Variants in MAOB observed in about 807,000 individuals in gnomAD.
MAOB encodes the protein amine oxidase [flavin-containing] B.
In MAOB, 15 loss-of-function variants were observed where a neutral mutation model predicts 41.9. That is an observed-to-expected ratio of 0.36 (90% confidence interval 0.24 to 0.55). MAOB has a LOEUF of 0.55. Among genes scored for constraint, MAOB ranks in the 20% least tolerant of loss-of-function variants. The pLI is 0.86. For missense variants in MAOB, 345 were observed against 398.7 expected, an observed-to-expected ratio of 0.87 and a Z score of 1.15; for synonymous variants, 167 against 144.2, an observed-to-expected ratio of 1.16 and a Z score of -1.13.
At chrX:43,785,438 C>T (rs1169444230) in intron 8 of MAOB, among the ~76,000 whole-genome samples, 1 of 112,653 alleles carries the variant, frequency 8.9e-6, no homozygotes, top group Non-Finnish European at 1.9e-5. Context: ...ATCTTCTATT[C>T]AGATCATTCA....
At chrX:43,802,006 A>G (rs2034600400) in intron 5 of MAOB, among the ~76,000 whole-genome samples, 166 bp downstream of exon 5, 1 of 113,078 alleles carries the variant, frequency 8.8e-6, no homozygotes, top group African/African-American at 3.2e-5. Context: ...GTATGTACAG[A>G]TATCTTCAGG....
intron 1 of MAOB, among the ~76,000 whole-genome samples, chrX:43,872,138 G>A (rs936630609): frequency 4.5e-5 from 5 of 111,760 alleles, no homozygotes; most frequent in African/African-American, 1.3e-4. Flanking sequence ...TGGAAGCACA[G>A]GCTAGATGGT....
chrX:43,828,423 C>A (rs2034974577), intron 3 of MAOB, among the ~76,000 whole-genome samples: 1 of 109,994 alleles, frequency 9.1e-6, no homozygotes, highest in Admixed American at 9.7e-5. Flanking sequence ...CAATGTCTCT[C>A]AATAGTCCTT....
At chrX:43,791,428 G>A (rs1601976063) in intron 8 of MAOB, among the ~76,000 whole-genome samples, 1 of 111,696 alleles carries the variant, frequency 9.0e-6, no homozygotes, top group Admixed American at 9.5e-5. Flanking sequence ...AGATTCTAGC[G>A]TTGTGCTGTC....
intron 12 of MAOB, among the ~76,000 whole-genome samples, chrX:43,774,807 T>A (rs1460152079): frequency 9.0e-6 from 1 of 111,671 alleles, no homozygotes; most frequent in Non-Finnish European, 1.9e-5. Context: ...GATTTTTAAT[T>A]TTTATGGGTA....
At chrX:43,797,078 C>T (rs1393850641) in intron 6 of MAOB, 47 bp downstream of exon 6, 2 of 1,147,264 alleles carry the variant, frequency 1.7e-6, no homozygotes, top group Admixed American at 4.7e-5. Context: ...TCTTTCATTT[C>T]AGTAGCAGTG....
intron 6 of MAOB, among the ~76,000 whole-genome samples, chrX:43,796,706 C>T (rs146988610): frequency 1.4e-4 from 16 of 111,257 alleles, no homozygotes; most frequent in East Asian, 2.8e-4. Context: ...TATACAGTGC[C>T]GGGGCTCAAG....
At chrX:43,851,386 A>G (rs2147171019) in intron 1 of MAOB, among the ~76,000 whole-genome samples, 1 of 111,132 alleles carries the variant, frequency 9.0e-6, no homozygotes, top group South Asian at 3.8e-4. Flanking sequence ...CTTATGGGGC[A>G]CATGAAATAT....
chrX:43,783,055 G>A (rs5905428), intron 8 of MAOB, among the ~76,000 whole-genome samples: 17,480 of 111,427 alleles, frequency 0.16, 1,363 homozygotes, highest in Middle Eastern at 0.31. Flanking sequence ...GGCAAAAGCC[G>A]GAAGCATTCT....
intron 1 of MAOB, among the ~76,000 whole-genome samples, chrX:43,857,846 G>T (rs1456018457): frequency 8.9e-6 from 1 of 111,905 alleles, no homozygotes; most frequent in African/African-American, 3.3e-5. Context: ...AGTGTGAGAT[G>T]GGCAAGTGTA....
At chrX:43,856,247 C>A (rs753177852) in intron 1 of MAOB, among the ~76,000 whole-genome samples, 5 of 110,805 alleles carry the variant, frequency 4.5e-5, no homozygotes, top group Non-Finnish European at 7.6e-5. Flanking sequence ...CCATGACCGG[C>A]TAATTTTTGT....
intron 1 of MAOB, among the ~76,000 whole-genome samples, chrX:43,855,399 C>CGTGTGT (rs748544135): frequency 4.7e-5 from 5 of 106,323 alleles, no homozygotes; most frequent in African/African-American, 1.7e-4. Flanking sequence ...CTAGCATATA[C>CGTGTGT]GTGTGTGTGT....
At chrX:43,872,775 A>G (rs927070107) in intron 1 of MAOB, among the ~76,000 whole-genome samples, 3 of 112,597 alleles carry the variant, frequency 2.7e-5, no homozygotes, top group Non-Finnish European at 5.6e-5. Context: ...AAATAAGTAC[A>G]GTAAATACAA....
At chrX:43,873,648 A>G (rs1257016952) in intron 1 of MAOB, among the ~76,000 whole-genome samples, 1 of 111,235 alleles carries the variant, frequency 9.0e-6, no homozygotes, top group East Asian at 2.8e-4. Flanking sequence ...CACAAAACAA[A>G]AGGTTTAAAT....
intron 3 of MAOB, among the ~76,000 whole-genome samples, chrX:43,828,406 G>A (rs1449138981): frequency 1.8e-5 from 2 of 110,872 alleles, no homozygotes; most frequent in African/African-American, 3.3e-5. Flanking sequence ...AATGAAATGA[G>A]AGATTTCAAT....
At chrX:43,795,692 G>A in intron 7 of MAOB, 47 bp downstream of exon 7, 2 of 1,077,411 alleles carry the variant, frequency 1.9e-6, no homozygotes, top group African/African-American at 3.7e-5. Context: ...TGTATGCCAG[G>A]AAACTGGGAT....
intron 1 of MAOB, among the ~76,000 whole-genome samples, chrX:43,877,414 A>C (rs889754099): frequency 9.0e-6 from 1 of 110,802 alleles, no homozygotes; most frequent in African/African-American, 3.3e-5. Context: ...ACCGGCCCCA[A>C]CACTGTGTCC....
chrX:43,861,356 A>G (rs184931001), intron 1 of MAOB, among the ~76,000 whole-genome samples: 1 of 112,890 alleles, frequency 8.9e-6, no homozygotes, highest in Admixed American at 9.4e-5. Context: ...TCAAAAACGT[A>G]TTTTAATGTC....
chrX:43,874,403 T>A (rs2035427547), intron 1 of MAOB, among the ~76,000 whole-genome samples: 1 of 111,475 alleles, frequency 9.0e-6, no homozygotes, highest in Non-Finnish European at 1.9e-5. Flanking sequence ...AATAACCCAA[T>A]ACATTATAAT....
Sources: gnomAD v4.1 joint callset for allele counts (sites outside exome capture counted in the v4.1 genomes callset) on GRCh38, gnomAD v4.1.1 for gene constraint, MANE v1.5 for transcripts, NCBI Gene and HGNC (gene_info 2026-07-23, HGNC 2026-07-21) for gene names.